The following SLC9B1 variants were observed in gnomAD, a reference collection of about 807,000 sequenced individuals.
SLC9B1 encodes solute carrier family 9 member B1.
SLC9B1 carries 32 observed loss-of-function variants against 51.7 expected under a neutral mutation model. The ratio of observed to expected loss-of-function variants is 0.62; its 90% confidence interval spans 0.47 to 0.83. The LOEUF is 0.83. SLC9B1 is among the 40% of genes least tolerant of loss of function. SLC9B1 has a pLI of 0.00. For synonymous variants in SLC9B1, 145 were observed against 212.7 expected, an observed-to-expected ratio of 0.68 and a Z score of 2.77; for missense variants, 406 against 613.2, an observed-to-expected ratio of 0.66 and a Z score of 3.57.
intron 3 of SLC9B1, among the ~76,000 whole-genome samples, chr4:102,986,746 T>C (rs191638215): frequency 5.9e-5 from 9 of 152,302 alleles, no homozygotes; most frequent in Admixed American, 5.9e-4. Flanking sequence ...TTCTCAGCTT[T>C]GTCCAGCCTA....
chr4:102,952,802 CT>C (rs1737617066), intron 3 of SLC9B1, among the ~76,000 whole-genome samples: 1 of 69,346 alleles, frequency 1.4e-5, no homozygotes, highest in African/African-American at 6.3e-5. Flanking sequence ...CCTTCGCCCA[CT>C]TTTTGATGGG....
intron 3 of SLC9B1, among the ~76,000 whole-genome samples, chr4:102,950,484 A>G (rs1737493064): frequency 6.6e-6 from 1 of 152,212 alleles, no homozygotes; most frequent in South Asian, 2.1e-4. Context: ...ATTTGCTATG[A>G]ATCATAATTG....
chr4:102,898,380 G>A (rs1734633107), downstream of SLC9B1: 1 of 245,618 alleles, frequency 4.1e-6, no homozygotes. Flanking sequence ...TACATACCAA[G>A]CAAACGTCAG....
intron 3 of SLC9B1, among the ~76,000 whole-genome samples, chr4:102,964,739 C>A (rs1375517815): frequency 6.6e-6 from 1 of 152,016 alleles, no homozygotes; most frequent in Non-Finnish European, 1.5e-5. Context: ...TGACAGAATT[C>A]AACACTCATA....
chr4:102,993,465 G>A, intron 1 of SLC9B1, among the ~76,000 whole-genome samples: 1 of 152,216 alleles, frequency 6.6e-6, no homozygotes, highest in Admixed American at 6.5e-5. Flanking sequence ...CCGCCCCTGT[G>A]GCTCTGCAGA....
At chr4:102,943,575 A>C (rs1434488500) in intron 6 of SLC9B1, among the ~76,000 whole-genome samples, 1 of 151,918 alleles carries the variant, frequency 6.6e-6, no homozygotes, top group Admixed American at 6.6e-5. Context: ...AAAAGGAATG[A>C]AATAATGGCA....
chr4:102,935,340 T>TCAAGGATTTG (rs1478581865), intron 6 of SLC9B1, among the ~76,000 whole-genome samples: 1 of 152,304 alleles, frequency 6.6e-6, no homozygotes, highest in East Asian at 1.9e-4. Context: ...TTTAATAATA[T>TCAAGGATTTG]CAAGGATTTG....
intron 6 of SLC9B1, among the ~76,000 whole-genome samples, chr4:102,943,804 T>A (rs187291966): frequency 6.6e-5 from 10 of 152,158 alleles, no homozygotes. Flanking sequence ...TACACTGCTC[T>A]GGTGATGGGT....
intron 6 of SLC9B1, among the ~76,000 whole-genome samples, chr4:102,939,209 G>A (rs532081452): frequency 1.9e-3 from 284 of 150,434 alleles, no homozygotes; most frequent in African/African-American, 6.6e-3. Flanking sequence ...GGACGTTACC[G>A]CCAACCACAC....
chr4:102,973,302 T>G (rs1738859336), intron 3 of SLC9B1, among the ~76,000 whole-genome samples: 1 of 152,142 alleles, frequency 6.6e-6, no homozygotes. Flanking sequence ...GGTATAGCTA[T>G]TTTCATATCA....
intron 1 of SLC9B1, among the ~76,000 whole-genome samples, chr4:103,013,164 C>T (rs544391848): frequency 6.0e-4 from 91 of 152,352 alleles, no homozygotes; most frequent in African/African-American, 2.1e-3. Context: ...AACTGTCTCA[C>T]CAGCTTTCTT....
At position 102,962,267 on chromosome 4, in the gene SLC9B1, A is replaced by G. The variant is rs568353221; in HGVS notation, c.212-12840T>C. On this transcript the variant is annotated intron_variant, in intron 3 of 11. Transcript: ENST00000296422. ...GGGAGTTGATGACCTTGACTTTTTC[A>G]TACAGGATGAAGCCATTGATAAATC... The G allele has an allele frequency of 1.9e-5, 10 of 540,386 alleles. No individual in the cohort carries two copies. In the African/African-American group the frequency reaches 1.9e-4, roughly 10 times the overall value. The allele number at this position is 540,386 out of a possible 1,614,324, so 33.5% of individuals were successfully genotyped here.
At chr4:102,935,177 A>G (rs1330246683) in intron 6 of SLC9B1, among the ~76,000 whole-genome samples, 1 of 152,224 alleles carries the variant, frequency 6.6e-6, no homozygotes, top group African/African-American at 2.4e-5. Flanking sequence ...AAAATGGACA[A>G]AGGATATGAA....
intron 7 of SLC9B1, 63 bp downstream of exon 7, chr4:102,932,061 T>G (rs1322278707): frequency 1.3e-6 from 2 of 1,499,024 alleles, no homozygotes; most frequent in African/African-American, 2.8e-5. Context: ...CCAGAAACCC[T>G]GTTTAAAGAA....
intron 6 of SLC9B1, among the ~76,000 whole-genome samples, chr4:102,936,513 A>AGAGCTGTCATAT (rs1560938111): frequency 6.6e-6 from 1 of 152,270 alleles, no homozygotes. Context: ...GAATCCAATA[A>AGAGCTGTCATAT]GATGACATAA....
At chr4:102,945,912 G>A (rs1452779506) in intron 5 of SLC9B1, among the ~76,000 whole-genome samples, 1 of 151,968 alleles carries the variant, frequency 6.6e-6, no homozygotes, top group Non-Finnish European at 1.5e-5. Flanking sequence ...TTATAGATGG[G>A]ATTTATGATC....
In SLC9B1 at chr4:102,920,344, C is replaced by A. The variant is rs1463981185; in HGVS notation, c.830-8807G>T. On this transcript the variant is annotated intron_variant, in intron 7 of 11. Transcript: ENST00000296422. Reference sequence around the variant, plus strand: ...GACTGTTAGAAGGAAAACTAACAAACAGAAAGGAATAGCATCAACATTAAC... The same window carrying A: ...GACTGTTAGAAGGAAAACTAACAAAAAGAAAGGAATAGCATCAACATTAAC... 1.3e-5 allele frequency among the ~76,000 whole-genome samples: 2 copies of A among 152,172 alleles called. 1 individual carries two copies. Among genetic ancestry groups the A allele is most frequent in the South Asian group, 4.1e-4 (2 of 4,830 alleles).
At chr4:102,985,829 T>G (rs1560520696) in intron 3 of SLC9B1, among the ~76,000 whole-genome samples, 1 of 152,108 alleles carries the variant, frequency 6.6e-6, no homozygotes, top group Non-Finnish European at 1.5e-5. Context: ...CTGGTCAAAG[T>G]CCACTTTCAA....
intron 3 of SLC9B1, among the ~76,000 whole-genome samples, chr4:102,964,512 C>T (rs1269478448): frequency 1.3e-5 from 2 of 152,082 alleles, no homozygotes; most frequent in Admixed American, 1.3e-4. Context: ...AGCTATATAC[C>T]AATATCCCTT....
Sources: allele counts gnomAD v4.1 joint callset (sites outside exome capture counted in the v4.1 genomes callset), GRCh38; gene constraint gnomAD v4.1.1; transcripts MANE v1.5; gene names NCBI Gene and HGNC (gene_info 2026-07-23, HGNC 2026-07-21).